The following LPCAT1 variants were observed in gnomAD, a reference collection of about 807,000 sequenced individuals.
LPCAT1 encodes the protein lysophosphatidylcholine acyltransferase 1.
In LPCAT1, 23 loss-of-function variants were observed where a neutral mutation model predicts 60.9. That is an observed-to-expected ratio of 0.38 (90% CI 0.27 to 0.53). The LOEUF is 0.53. Ranked by LOEUF, LPCAT1 falls within the 20% of genes least tolerant of loss-of-function variation. The probability of loss-of-function intolerance (pLI) is 0.82; values close to 1 mark genes in which losing one functional copy is unlikely to be tolerated. For missense variants in LPCAT1, 622 were observed against 723.6 expected (o/e 0.86, Z 1.61); for synonymous variants, 340 against 301.1 (o/e 1.13, Z -1.34).
rs906875262 is a variant in LPCAT1 at position 1,461,523 on chromosome 5, C to T, written c.*2128G>A. The T allele has an allele frequency of 1.6e-4, 25 of 152,766 alleles. No homozygotes were observed. Among genetic ancestry groups the T allele is most frequent in the African/African-American group, 5.3e-4 (22 of 41,596 alleles). The allele number at this position is 152,766 out of a possible 1,614,324, so 9.5% of individuals were successfully genotyped here. ...CTGCCCTCACACCCCAGCAGGTCCC[C>T]GCAGGCCAGGGCCCATGCCCCACCT... On this transcript the variant is annotated 3_prime_UTR_variant, in exon 14 of 14. Transcript: ENST00000283415.
At position 1,476,645 on chromosome 5, in the gene LPCAT1, C is replaced by T. The variant is rs1030260367; in HGVS notation, c.899+759G>A. ...CTGCAGCTCAGGTCTGGCAGCCGCCCGGTGGAGGGGAGGCTCTAGCTCCAC... is the reference window on the plus strand; with the variant it reads ...CTGCAGCTCAGGTCTGGCAGCCGCCTGGTGGAGGGGAGGCTCTAGCTCCAC... On this transcript the variant is annotated intron_variant, in intron 9 of 13. Transcript: ENST00000283415. This position sits in a 1 kb window ranked among gnomAD's most constrained non-coding sequence, Gnocchi z 8.6. 1.3e-5 allele frequency among the ~76,000 whole-genome samples: 2 copies of T among 152,090 alleles called. No homozygotes were observed. Among genetic ancestry groups the T allele is most frequent in the Non-Finnish European group, 2.9e-5 (2 of 68,008 alleles).
At position 1,496,255 on chromosome 5, in the gene LPCAT1, G is replaced by A. The variant is rs902221361; in HGVS notation, c.279-1341C>T. Among the ~76,000 whole-genome samples, 17 of 152,110 alleles carry A rather than the reference G, an allele frequency of 1.1e-4. No homozygotes were observed. Among genetic ancestry groups the A allele is most frequent in the African/African-American group, 4.1e-4 (17 of 41,424 alleles). ...AGGCGTCTGTAATCCCAGCCACTCA[G>A]GAGGCTGAGGCAGGAGAACTGCTTG... is the stretch of plus-strand genomic sequence containing the variant. On this transcript the variant is annotated intron_variant, in intron 2 of 13. Coordinates refer to ENST00000283415, the MANE Select transcript of LPCAT1 (RefSeq NM_024830.5). The surrounding 1 kb of genome is among the most constrained non-coding windows in gnomAD (Gnocchi z 4.7).
At chr5:1,512,440 T>C (rs1354419040) in intron 1 of LPCAT1, among the ~76,000 whole-genome samples, 1 of 152,188 alleles carries the variant, frequency 6.6e-6, no homozygotes, top group Non-Finnish European at 1.5e-5. Context: ...ATGCTTCCCG[T>C]AGAATCAAGG....
intron 1 of LPCAT1, among the ~76,000 whole-genome samples, chr5:1,513,243 T>C (rs1736409264): frequency 6.6e-6 from 1 of 152,080 alleles, no homozygotes; most frequent in Non-Finnish European, 1.5e-5. Context: ...TCTGCACAAA[T>C]CCCCCTTCCC....
At position 1,466,825 on chromosome 5, in the gene LPCAT1, G is replaced by A; in HGVS notation, c.1344C>T (p.Ala448=). 1 of 1,613,380 alleles carries A rather than the reference G, an allele frequency of 6.2e-7. No individual in the cohort carries two copies. Residue 448 remains alanine (A), a synonymous_variant, in exon 13 of 14, where the codon GCC becomes GCT. Transcript: ENST00000283415. The stretch of plus-strand genomic sequence containing the variant: ...TCACGGTGAGCTCTGCCACCCCCAG[G>A]GCCGTCTTGAGGATGCAGGACAGGT... ...EGDLSCILKT[A]LGVAELTVTD...
intron 5 of LPCAT1, among the ~76,000 whole-genome samples, chr5:1,485,173 G>C (rs527988887): frequency 6.6e-6 from 1 of 152,302 alleles, no homozygotes; most frequent in South Asian, 2.1e-4. Flanking sequence ...CTGAAACTCA[G>C]TAAGAATCAA....
rs966330894 is a variant in LPCAT1, at chr5:1,496,054, T to A, written c.279-1140A>T. ...TGCACTTCTTCACCACCTGTTCAGC[T>A]GCATATTTAAAAATGTACTTTTCTG... On this transcript the variant is annotated intron_variant, in intron 2 of 13. Transcript: ENST00000283415. This position sits in a 1 kb window ranked among gnomAD's most constrained non-coding sequence, Gnocchi z 4.7. Among the ~76,000 whole-genome samples, 73 of 152,212 alleles carry A rather than the reference T, an allele frequency of 4.8e-4. 1 individual carries two copies. The highest frequency in any genetic ancestry group is 4.4e-5 in the Non-Finnish European group (3 of 68,034).
At chr5:1,511,943 C>CT (rs2126612833) in intron 1 of LPCAT1, among the ~76,000 whole-genome samples, 1 of 152,334 alleles carries the variant, frequency 6.6e-6, no homozygotes, top group African/African-American at 2.4e-5. Context: ...GCAGCCCCAG[C>CT]TGTCCCTAAG....
rs902635572 is a variant in LPCAT1 at position 1,483,352 on chromosome 5, G to A, written c.726+76C>T. The A allele has an allele frequency of 4.2e-6, 6 of 1,426,098 alleles. No homozygotes were observed. Among genetic ancestry groups the A allele is most frequent in the South Asian group, 1.1e-5 (1 of 87,416 alleles). The allele number at this position is 1,426,098 out of a possible 1,614,324, so 88.3% of individuals were successfully genotyped here. On this transcript the variant is annotated intron_variant, in intron 6 of 13. Coordinates refer to ENST00000283415, the MANE Select transcript of LPCAT1 (RefSeq NM_024830.5). This position sits in a 1 kb window ranked among gnomAD's most constrained non-coding sequence, Gnocchi z 9.2. ...AGGGTGTGGAGAGACAGAGACACAGGTGCACAGAGGCAGCTCGCAGTTCCC... is the reference window on the plus strand; with the variant it reads ...AGGGTGTGGAGAGACAGAGACACAGATGCACAGAGGCAGCTCGCAGTTCCC...
intron 13 of LPCAT1, among the ~76,000 whole-genome samples, chr5:1,464,822 TCA>T (rs1342854100): frequency 5.3e-5 from 7 of 133,232 alleles, no homozygotes; most frequent in Non-Finnish European, 9.4e-5. Context: ...CACACGGTAA[TCA>T]CACATGCACG....
At chr5:1,510,939 T>A (rs1484659845) in intron 1 of LPCAT1, 2 of 152,318 alleles carry the variant, frequency 1.3e-5, no homozygotes, top group African/African-American at 4.8e-5. Context: ...CTCCGCAGCG[T>A]GGGTGGAGGC....
Position 1,463,443 on chromosome 5 carries a change from C to T in LPCAT1, c.*208G>A, listed in dbSNP as rs538704235. On this transcript the variant is annotated 3_prime_UTR_variant, in exon 14 of 14. Transcript: ENST00000283415. ...CCAGGCGGGGGATCCGCGTGCGCGC[C>T]CTCCGATTCTCGCACAGTAAGCGTC... 1.6e-5 allele frequency: 10 copies of T among 606,974 alleles called. No homozygotes were observed. In the South Asian group the frequency reaches 1.9e-4, roughly 11 times the overall value. The allele number at this position is 606,974 out of a possible 1,614,324, so 37.6% of individuals were successfully genotyped here.
intron 1 of LPCAT1, 54 bp from the exon 2 acceptor site, chr5:1,501,657 T>TC (rs1736013901): frequency 6.3e-7 from 1 of 1,587,016 alleles, no homozygotes; most frequent in Non-Finnish European, 8.6e-7. Context: ...ACCAGGCAGC[T>TC]CCCCACCCGG....
chr5:1,503,957 A>G (rs1736105955), intron 1 of LPCAT1, among the ~76,000 whole-genome samples: 4 of 152,324 alleles, frequency 2.6e-5, no homozygotes, highest in Admixed American at 2.6e-4. Flanking sequence ...CTACGTTGCC[A>G]GATATTTTTC....
At chr5:1,517,216 C>T (rs546031318) in intron 1 of LPCAT1, among the ~76,000 whole-genome samples, 7 of 152,118 alleles carry the variant, frequency 4.6e-5, no homozygotes, top group East Asian at 1.9e-4. Context: ...TTGGAGGGGA[C>T]GGTCGCGGCT....
chr5:1,479,702 G>C, intron 7 of LPCAT1, 27 bp from the exon 8 acceptor site: 2 of 1,582,632 alleles, frequency 1.3e-6, no homozygotes, highest in Non-Finnish European at 1.7e-6. Flanking sequence ...ACAATGTTGA[G>C]CAGATTTACA....
At position 1,463,357 on chromosome 5, in the gene LPCAT1, G is replaced by A; in HGVS notation, c.*294C>T. On this transcript the variant is annotated 3_prime_UTR_variant, in exon 14 of 14. Transcript: ENST00000283415. ...GACTCGAAACCAGGGCCCCGTGGGA[G>A]AACACGGGGCGGCACCGGTGCCCCC... 2.7e-6 allele frequency: 1 copy of A among 372,876 alleles called. No homozygotes were observed. Among genetic ancestry groups the A allele is most frequent in the East Asian group, 4.5e-5 (1 of 22,330 alleles). 23.1% of individuals were successfully genotyped at this position (372,876 alleles called of 1,614,324 possible). A position where few individuals can be genotyped will look rare whatever the true frequency, so the allele number is the denominator to read the frequency against.
Position 1,480,278 on chromosome 5 carries a change from C to T in LPCAT1, c.762-603G>A, listed in dbSNP as rs1323135560. The T allele has an allele frequency of 1.0e-6, 1 of 976,760 alleles. No homozygotes were observed. Among genetic ancestry groups the T allele is most frequent in the Non-Finnish European group, 1.2e-6 (1 of 822,532 alleles). The allele number at this position is 976,760 out of a possible 1,614,324, so 60.5% of individuals were successfully genotyped here. A position where few individuals can be genotyped will look rare whatever the true frequency, so the allele number is the denominator to read the frequency against. On this transcript the variant is annotated intron_variant, in intron 7 of 13. Transcript: ENST00000283415. The surrounding 1 kb of genome is among the most constrained non-coding windows in gnomAD (Gnocchi z 6.4). ...CTCCCAGCTGGGAGCCTCCACACGC[C>T]AGCCTGGGAAGCGCTGACCTCAACA...
chr5:1,523,928 C>A lies in LPCAT1; in HGVS notation c.-84G>T, dbSNP rs1463553749. On this transcript the variant is annotated 5_prime_UTR_variant, in exon 1 of 14. Transcript: ENST00000283415. The surrounding 1 kb of genome is among the most constrained non-coding windows in gnomAD (Gnocchi z 7.1). ...GGCTAGCTGGGCGCGGGTCTCGGGGCGCGGGCCGAGGATGCGCGGCGGCTG... is the reference window on the plus strand; with the variant it reads ...GGCTAGCTGGGCGCGGGTCTCGGGGAGCGGGCCGAGGATGCGCGGCGGCTG... 1 of 942,152 alleles carries A rather than the reference C, an allele frequency of 1.1e-6. No individual in the cohort carries two copies. Among genetic ancestry groups the A allele is most frequent in the Non-Finnish European group, 1.3e-6 (1 of 788,490 alleles). 58.4% of individuals were successfully genotyped at this position (942,152 alleles called of 1,614,324 possible). A position where few individuals can be genotyped will look rare whatever the true frequency, so the allele number is the denominator to read the frequency against.
Sources: gnomAD v4.1 joint callset for allele counts (sites outside exome capture counted in the v4.1 genomes callset) on GRCh38, gnomAD v4.1.1 for gene constraint, Gnocchi (gnomAD v3.1) non-coding constraint, MANE v1.5 for transcripts, NCBI Gene and HGNC (gene_info 2026-07-23, HGNC 2026-07-21) for gene names.